SYNE2: variants seen among roughly 807,000 people sequenced by gnomAD.
SYNE2 encodes the protein spectrin repeat containing nuclear envelope protein 2.
A neutral mutation model predicts 856.3 loss-of-function variants in SYNE2; 431 were observed. That is an observed-to-expected ratio of 0.50 (90% CI 0.47 to 0.55). SYNE2 has a LOEUF of 0.55. Among genes scored for constraint, SYNE2 ranks in the 20% least tolerant of loss-of-function variants. SYNE2 has a pLI of 0.00. For synonymous variants in SYNE2, 2,923 were observed against 2,872.3 expected, an observed-to-expected ratio of 1.02 and a Z score of -0.56; for missense variants, 8,129 against 8,023.2, an observed-to-expected ratio of 1.01 and a Z score of -0.50.
intron 112 of SYNE2, 97 bp downstream of exon 112, chr14:64,221,801 G>A: frequency 7.0e-7 from 1 of 1,427,108 alleles, no homozygotes; most frequent in Non-Finnish European, 9.8e-7. Flanking sequence ...TTCAGGAACT[G>A]TGCCAGTGGT....
intron 8 of SYNE2, among the ~76,000 whole-genome samples, chr14:63,955,494 C>G (rs2096230206): frequency 6.6e-6 from 1 of 151,996 alleles, no homozygotes; most frequent in Non-Finnish European, 1.5e-5. Flanking sequence ...CTCAAAAGCA[C>G]TTTACTTTGA....
rs150291737 is a variant in SYNE2 at position 64,154,858 on chromosome 14, T to C, written c.15792+2142T>C. 9.3e-3 allele frequency among the ~76,000 whole-genome samples: 1,377 copies of C among 147,936 alleles called. 30 individuals are homozygous for C. The highest frequency in any genetic ancestry group is 0.032 in the African/African-American group (1,269 of 40,162). On this transcript the variant is annotated intron_variant, in intron 85 of 115. Coordinates refer to ENST00000555002, the MANE Select transcript of SYNE2 (RefSeq NM_182914.3). Reference sequence around the variant, plus strand: ...ATTTCTGTAAAGAAGACAATACAAATGGCCGAAAAGTGCATTGAAAAGATA... The same window carrying C: ...ATTTCTGTAAAGAAGACAATACAAACGGCCGAAAAGTGCATTGAAAAGATA...
chr14:64,215,772 C>T (rs937804203), intron 107 of SYNE2: 26 of 425,314 alleles, frequency 6.1e-5, no homozygotes, highest in Middle Eastern at 7.5e-4. Flanking sequence ...GATGATTTGC[C>T]ACAGGAGGGA....
At chr14:63,993,329 G>C (rs781357106) in intron 21 of SYNE2, among the ~76,000 whole-genome samples, 6 of 152,176 alleles carry the variant, frequency 3.9e-5, no homozygotes, top group Non-Finnish European at 8.8e-5. Flanking sequence ...AGGTTTCAGT[G>C]AATTGTGATT....
At chr14:64,206,293 T>C (rs2098605055) in intron 100 of SYNE2, among the ~76,000 whole-genome samples, 1 of 152,252 alleles carries the variant, frequency 6.6e-6, no homozygotes. Flanking sequence ...TTATGTTGTT[T>C]CTTAAATCCA....
intron 98 of SYNE2, chr14:64,189,004 C>A (rs527909935): frequency 1.1e-5 from 8 of 702,088 alleles, no homozygotes; most frequent in South Asian, 4.4e-5. Context: ...TCAGCTGATA[C>A]CCCAAGTGAG....
chr14:63,982,672 A>C lies in SYNE2; in HGVS notation c.1879A>C (p.Thr627Pro). Reference sequence around the variant, plus strand: ...AGCCCAGTGGAATCTAGAACACGCTACTTTAAATGAAGCAGGAAATTTCTT... The same window carrying C: ...AGCCCAGTGGAATCTAGAACACGCTCCTTTAAATGAAGCAGGAAATTTCTT... ...TLAQWNLEHA[T>P]LNEAGNFLVE... The change falls in exon 17 of 116, where the codon ACT (threonine) becomes CCT (proline). Residue 627 changes from threonine (T) to proline (P), a missense_variant. This residue lies in a region of SYNE2 where 2,422 missense variants were observed against 2,357.4 expected (regional missense o/e 1.03). Transcript: ENST00000555002. The C allele has an allele frequency of 2.5e-6, 4 of 1,614,166 alleles. No individual in the cohort carries two copies. Among genetic ancestry groups the C allele is most frequent in the Non-Finnish European group, 2.5e-6 (3 of 1,180,010 alleles).
chr14:63,830,431 G>A (rs1251568793), intron 1 of SYNE2, among the ~76,000 whole-genome samples: 1 of 151,994 alleles, frequency 6.6e-6, no homozygotes, highest in East Asian at 1.9e-4. Context: ...GAAGCAGATA[G>A]GAGAATCCCT....
At position 64,177,297 on chromosome 14, in the gene SYNE2, A is replaced by G. The variant is rs61984372; in HGVS notation, c.17431-61A>G. ...TTATGTGGATTAAATGAGCTATTCTATTTCTACAATTCATTCTAAAGAGCA... is the reference window on the plus strand; with the variant it reads ...TTATGTGGATTAAATGAGCTATTCTGTTTCTACAATTCATTCTAAAGAGCA... On this transcript the variant is annotated intron_variant, in intron 95 of 115. Transcript: ENST00000555002. 0.017 allele frequency: 27,470 copies of G among 1,595,212 alleles called. 282 individuals carry two copies. Among genetic ancestry groups the G allele is most frequent in the African/African-American group, 0.039 (2,921 of 74,558 alleles).
chr14:63,941,843 A>G, intron 4 of SYNE2, 42 bp from the exon 5 acceptor site: 1 of 1,609,748 alleles, frequency 6.2e-7, no homozygotes, highest in East Asian at 2.2e-5. Context: ...AAAAATATGT[A>G]TTTCATTTTT....
chr14:63,819,491 A>G (rs1889132924), intron 1 of SYNE2, among the ~76,000 whole-genome samples: 2 of 151,268 alleles, frequency 1.3e-5, no homozygotes, highest in South Asian at 4.2e-4. Flanking sequence ...CTTGGCCTCC[A>G]AAGTGCTGGG....
At chr14:63,786,087 T>C (rs1887515692) in intron 1 of SYNE2, among the ~76,000 whole-genome samples, 1 of 151,986 alleles carries the variant, frequency 6.6e-6, no homozygotes, top group Admixed American at 6.6e-5. Context: ...CCGTCTCTAC[T>C]AAAAATAAAA....
intron 54 of SYNE2, 69 bp from the exon 55 acceptor site, chr14:64,078,397 G>A: frequency 6.2e-7 from 1 of 1,602,290 alleles, no homozygotes; most frequent in South Asian, 1.1e-5. Context: ...TACCACTTTT[G>A]TTGTTCGAAC....
intron 1 of SYNE2, among the ~76,000 whole-genome samples, chr14:63,880,908 G>A (rs1363343556): frequency 1.3e-5 from 2 of 151,318 alleles, no homozygotes; most frequent in African/African-American, 2.4e-5. Context: ...GTGCAGTGGT[G>A]CGATGTCGGC....
intron 1 of SYNE2, among the ~76,000 whole-genome samples, chr14:63,768,159 C>T (rs1427249783): frequency 6.6e-6 from 1 of 151,490 alleles, no homozygotes; most frequent in Non-Finnish European, 1.5e-5. Flanking sequence ...CACTGCAATC[C>T]AGCCTGGGTG....
At chr14:64,019,909 A>G (rs566958940) in intron 34 of SYNE2, 83 bp from the exon 35 acceptor site, 7 of 914,594 alleles carry the variant, frequency 7.7e-6, no homozygotes, top group South Asian at 4.2e-5. Flanking sequence ...CTCAGTTTCT[A>G]TATATAAACA....
At chr14:64,004,520 G>A (rs1052945031) in intron 30 of SYNE2, among the ~76,000 whole-genome samples, 3 of 151,974 alleles carry the variant, frequency 2.0e-5, no homozygotes, top group Admixed American at 1.3e-4. Flanking sequence ...AGTAGAGACG[G>A]GGTTTCACCA....
intron 1 of SYNE2, among the ~76,000 whole-genome samples, chr14:63,901,825 G>A (rs1186230245): frequency 1.3e-5 from 2 of 152,104 alleles, no homozygotes; most frequent in Non-Finnish European, 2.9e-5. Context: ...TTGGGAGGAC[G>A]AGGTGGGAGG....
intron 85 of SYNE2, 69 bp from the exon 86 acceptor site, chr14:64,158,556 G>T: frequency 6.5e-7 from 1 of 1,536,386 alleles, no homozygotes; most frequent in Non-Finnish European, 9.0e-7. Context: ...TGGACACAAT[G>T]GTAGATCTGT....
Sources: gnomAD v4.1 joint callset for allele counts (sites outside exome capture counted in the v4.1 genomes callset) on GRCh38, gnomAD v4.1.1 for gene constraint, gnomAD v4.1.1 regional missense constraint, MANE v1.5 for transcripts, NCBI Gene and HGNC (gene_info 2026-07-23, HGNC 2026-07-21) for gene names.